Variants in PDLIM5 observed in about 807,000 individuals in gnomAD.
The protein encoded by PDLIM5 is PDZ and LIM domain protein 5.
PDLIM5 carries 34 observed loss-of-function variants against 64.2 expected under a neutral mutation model. The observed-to-expected ratio is 0.53, with a 90% CI of 0.40 to 0.71. PDLIM5 has a LOEUF of 0.71. Ranked by LOEUF, PDLIM5 falls within the 30% of genes least tolerant of loss-of-function variation. The pLI, the probability that PDLIM5 is intolerant of heterozygous loss-of-function variation, is 0.00. For missense variants in PDLIM5, 683 were observed against 733.6 expected (o/e 0.93, Z 0.80); for synonymous variants, 253 against 269.1 (o/e 0.94, Z 0.59).
chr4:94,488,090 C>T (rs1272044878), intron 2 of PDLIM5, among the ~76,000 whole-genome samples: 6 of 152,160 alleles, frequency 3.9e-5, no homozygotes, highest in African/African-American at 1.4e-4. Flanking sequence ...TTAACCCATT[C>T]CTTTTGGTGA....
At chr4:94,579,066 T>C (rs1735525010) in intron 5 of PDLIM5, among the ~76,000 whole-genome samples, 1 of 152,076 alleles carries the variant, frequency 6.6e-6, no homozygotes, top group Non-Finnish European at 1.5e-5. Context: ...CCTAATAGCA[T>C]GAAATCTGTA....
chr4:94,463,972 A>G (rs1578198037), intron 2 of PDLIM5, among the ~76,000 whole-genome samples: 3 of 152,224 alleles, frequency 2.0e-5, no homozygotes, highest in East Asian at 3.8e-4. Context: ...GTGTGGCACA[A>G]GGTAGTTACT....
intron 2 of PDLIM5, among the ~76,000 whole-genome samples, chr4:94,490,634 G>A (rs1030243230): frequency 1.3e-5 from 2 of 152,060 alleles, no homozygotes; most frequent in African/African-American, 2.4e-5. Context: ...ATTAAAATGA[G>A]TCAGCATTTC....
At chr4:94,495,509 T>G (rs1474318226) in intron 2 of PDLIM5, among the ~76,000 whole-genome samples, 1 of 150,898 alleles carries the variant, frequency 6.6e-6, no homozygotes, top group Non-Finnish European at 1.5e-5. Flanking sequence ...GGAGCTTAGT[T>G]GAAAAAAAAA....
intron 2 of PDLIM5, among the ~76,000 whole-genome samples, chr4:94,470,801 A>G (rs546108950): frequency 6.6e-6 from 1 of 152,340 alleles, no homozygotes; most frequent in African/African-American, 2.4e-5. Context: ...ATGTAACTTC[A>G]TACTTCATAT....
At chr4:94,524,938 C>T (rs1203703425) in intron 3 of PDLIM5, among the ~76,000 whole-genome samples, 3 of 152,002 alleles carry the variant, frequency 2.0e-5, no homozygotes, top group Admixed American at 6.6e-5. Context: ...ATGAAGGTAG[C>T]TTGATCATAT....
At chr4:94,610,015 C>A in intron 7 of PDLIM5, 1 of 537,972 alleles carries the variant, frequency 1.9e-6, no homozygotes, top group Non-Finnish European at 3.2e-6. Context: ...GACTAAATGG[C>A]CTGAACTCCT....
At chr4:94,653,598 A>G (rs987662677) in intron 9 of PDLIM5, among the ~76,000 whole-genome samples, 4 of 152,056 alleles carry the variant, frequency 2.6e-5, no homozygotes, top group Non-Finnish European at 5.9e-5. Flanking sequence ...TGTGTTAAAA[A>G]TCGGTCATGT....
chr4:94,580,763 A>G (rs551240282), intron 5 of PDLIM5, among the ~76,000 whole-genome samples: 2 of 152,106 alleles, frequency 1.3e-5, no homozygotes, highest in Admixed American at 6.6e-5. Flanking sequence ...TAATAGAGCT[A>G]AGATTTGAGC....
chr4:94,514,426 G>A (rs1021946555), intron 2 of PDLIM5, among the ~76,000 whole-genome samples: 33 of 152,024 alleles, frequency 2.2e-4, no homozygotes, highest in African/African-American at 7.7e-4. Flanking sequence ...GAGCCACTTC[G>A]CCTGGCCTCG....
chr4:94,619,903 G>A (rs1739089631), intron 8 of PDLIM5, among the ~76,000 whole-genome samples: 2 of 152,154 alleles, frequency 1.3e-5, no homozygotes, highest in Admixed American at 6.5e-5. Flanking sequence ...GATTACAGGT[G>A]TGAGCTCTCA....
intron 2 of PDLIM5, among the ~76,000 whole-genome samples, chr4:94,487,594 T>C (rs974489145): frequency 1.3e-5 from 2 of 152,200 alleles, no homozygotes; most frequent in African/African-American, 4.8e-5. Context: ...GAAAAGTCGC[T>C]GTGTTTCTCC....
At chr4:94,567,154 G>T (rs1192149248) in intron 3 of PDLIM5, among the ~76,000 whole-genome samples, 1 of 151,996 alleles carries the variant, frequency 6.6e-6, no homozygotes, top group Non-Finnish European at 1.5e-5. Context: ...CACCACACCT[G>T]GCTAATTTTT....
intron 4 of PDLIM5, among the ~76,000 whole-genome samples, chr4:94,574,448 A>G (rs989479051): frequency 2.7e-5 from 4 of 150,934 alleles, no homozygotes; most frequent in Non-Finnish European, 4.4e-5. Context: ...CAGTGAGCTG[A>G]GATCACACCA....
chr4:94,584,952 C>A, intron 5 of PDLIM5: 1 of 1,462,484 alleles, frequency 6.8e-7, no homozygotes, highest in Non-Finnish European at 9.5e-7. Flanking sequence ...TGTTGGAAAT[C>A]TTTCTTCTGC....
chr4:94,575,404 C>T (rs1735158846), intron 4 of PDLIM5, among the ~76,000 whole-genome samples: 1 of 151,898 alleles, frequency 6.6e-6, no homozygotes, highest in Non-Finnish European at 1.5e-5. Flanking sequence ...AAAATTATAC[C>T]TAATGTGTGC....
intron 5 of PDLIM5, chr4:94,579,348 A>G (rs56338363): frequency 0.026 from 9,961 of 385,262 alleles, 177 homozygotes; most frequent in Admixed American, 0.035. Flanking sequence ...CTTGCATTAT[A>G]ATGTGCCACT....
chr4:94,606,240 G>A (rs1737907272), intron 7 of PDLIM5, among the ~76,000 whole-genome samples: 1 of 152,180 alleles, frequency 6.6e-6, no homozygotes, highest in Non-Finnish European at 1.5e-5. Flanking sequence ...TTCTGAGACT[G>A]TCTGGATTTA....
chr4:94,579,505 A>T, intron 5 of PDLIM5: 1 of 1,324,644 alleles, frequency 7.5e-7, no homozygotes, highest in Non-Finnish European at 1.0e-6. Context: ...ATTTTAAAAT[A>T]CTTTTCTCTT....
Sources: gnomAD v4.1 joint callset for allele counts (sites outside exome capture counted in the v4.1 genomes callset) on GRCh38, gnomAD v4.1.1 for gene constraint, MANE v1.5 for transcripts, NCBI Gene and HGNC (gene_info 2026-07-23, HGNC 2026-07-21) for gene names.